The following HDAC4 variants were observed in gnomAD, a reference collection of about 807,000 sequenced individuals.
HDAC4 encodes histone deacetylase A.
In HDAC4, 16 loss-of-function variants were observed where a neutral mutation model predicts 135.1. The observed-to-expected ratio is 0.12, with a 90% CI of 0.08 to 0.18. The LOEUF (loss-of-function observed/expected upper bound fraction) is 0.18, where lower values mean the gene tolerates loss of function less well. Among genes scored for constraint, HDAC4 ranks in the 10% least tolerant of loss-of-function variants. The probability of loss-of-function intolerance (pLI) is 1.00; values close to 1 mark genes in which losing one functional copy is unlikely to be tolerated. For missense variants in HDAC4, 1,143 were observed against 1,511.8 expected (o/e 0.76, Z 4.05); for synonymous variants, 685 against 653.4 (o/e 1.05, Z -0.74).
chr2:239,081,135 C>T lies in HDAC4; in HGVS notation c.2710G>A (p.Asp904Asn). ...NVNMAFTGGL[D>N]PPMGDAEYLA... ...TACTCAGCGTCTCCCATGGGGGGGT[C>T]CAGGCCGCCGGTGAAAGCCATGTTG... The change falls in exon 22 of 27, where the codon GAC (aspartate) becomes AAC (asparagine). Residue 904 changes from aspartate to asparagine, a missense_variant. Around this residue, in one of 9 missense-constraint regions of HDAC4, gnomAD observed 189 missense variants for 317.6 expected, o/e 0.60. Transcript: ENST00000543185. 6.2e-7 allele frequency: 1 copy of T among 1,614,008 alleles called. No individual in the cohort carries two copies. Among genetic ancestry groups the T allele is most frequent in the Non-Finnish European group, 8.5e-7 (1 of 1,180,012 alleles).
intron 2 of HDAC4, among the ~76,000 whole-genome samples, chr2:239,271,749 C>A (rs577491391): frequency 6.6e-6 from 1 of 152,322 alleles, no homozygotes; most frequent in South Asian, 2.1e-4. Context: ...TGGCCTCTCT[C>A]CTCAGGATGT....
intron 24 of HDAC4, among the ~76,000 whole-genome samples, chr2:239,060,976 A>C (rs1304343292): frequency 6.6e-6 from 1 of 152,262 alleles, no homozygotes; most frequent in Non-Finnish European, 1.5e-5. Flanking sequence ...TCTGAAGGCC[A>C]CGAGGCTGGG....
At position 239,226,225 on chromosome 2, in the gene HDAC4, T is replaced by C. The variant is rs115090982; in HGVS notation, c.94+10368A>G. 1.4e-3 allele frequency among the ~76,000 whole-genome samples: 212 copies of C among 152,296 alleles called. 1 individual carries two copies. The highest frequency in any genetic ancestry group is 5.0e-3 in the African/African-American group (207 of 41,550). On this transcript the variant is annotated intron_variant, in intron 3 of 26. Coordinates refer to ENST00000543185, the MANE Select transcript of HDAC4 (RefSeq NM_001378414.1). ...ATGTCATGATGCAAAAATTCATTCCTGGATAATACTTTTGGCCACCAGTGA... is the reference window on the plus strand; with the variant it reads ...ATGTCATGATGCAAAAATTCATTCCCGGATAATACTTTTGGCCACCAGTGA...
At chr2:239,276,772 G>A (rs2125307569) in intron 2 of HDAC4, among the ~76,000 whole-genome samples, 1 of 152,362 alleles carries the variant, frequency 6.6e-6, no homozygotes, top group Non-Finnish European at 1.5e-5. Context: ...CAGAGCAGCA[G>A]AGCCAGGCGA....
intron 5 of HDAC4, among the ~76,000 whole-genome samples, chr2:239,169,682 C>T (rs2043330475): frequency 6.6e-6 from 1 of 152,228 alleles, no homozygotes; most frequent in South Asian, 2.1e-4. Flanking sequence ...CAGAGACCCA[C>T]AGCACAGCCG....
rs572825451 is a variant in HDAC4 at position 239,379,114 on chromosome 2, G to A, written c.-220+21864C>T. 2.6e-5 allele frequency among the ~76,000 whole-genome samples: 4 copies of A among 152,336 alleles called. No homozygotes were observed. In the East Asian group the frequency reaches 7.7e-4, roughly 29 times the overall value. ...CAGGCTAAGTAATTCAGAAGTGACA[G>A]GGAGCCCAGGGGCAAGTCACTCCAG... On this transcript the variant is annotated intron_variant, in intron 1 of 26. Coordinates refer to ENST00000543185, the MANE Select transcript of HDAC4 (RefSeq NM_001378414.1).
chr2:239,298,701 C>T, intron 2 of HDAC4: 1 of 780,870 alleles, frequency 1.3e-6, no homozygotes, highest in Non-Finnish European at 1.6e-6. Context: ...GAAATCATGA[C>T]ACTCCACCTA....
chr2:239,361,821 A>G (rs1265783251), intron 1 of HDAC4, among the ~76,000 whole-genome samples: 1 of 152,258 alleles, frequency 6.6e-6, no homozygotes, highest in Non-Finnish European at 1.5e-5. Context: ...AAATGGTTTA[A>G]TAAGACTTAA....
At chr2:239,237,981 A>AGACCGGCAG (rs1365606074) in intron 2 of HDAC4, among the ~76,000 whole-genome samples, 9 of 152,344 alleles carry the variant, frequency 5.9e-5, no homozygotes, top group African/African-American at 2.2e-4. Context: ...GTCAGGAGAA[A>AGACCGGCAG]GACCGGCAGG....
At chr2:239,266,597 C>T (rs947208418) in intron 2 of HDAC4, among the ~76,000 whole-genome samples, 8 of 152,174 alleles carry the variant, frequency 5.3e-5, no homozygotes, top group African/African-American at 1.9e-4. Flanking sequence ...AATTATAAGC[C>T]ACTGGCCAAG....
intron 15 of HDAC4, among the ~76,000 whole-genome samples, chr2:239,104,478 C>A (rs1159779106): frequency 1.3e-5 from 2 of 152,216 alleles, no homozygotes; most frequent in East Asian, 3.9e-4. Context: ...GATCCACCCG[C>A]CACGGCCTCC....
At chr2:239,325,372 C>CA (rs1371438111) in intron 2 of HDAC4, among the ~76,000 whole-genome samples, 2 of 152,006 alleles carry the variant, frequency 1.3e-5, no homozygotes, top group Non-Finnish European at 2.9e-5. Context: ...AACACAACAA[C>CA]AAAAAAACAA....
rs937257810 is a variant in HDAC4 at position 239,139,091 on chromosome 2, C to T, written c.978+593G>A. Among the ~76,000 whole-genome samples, 6 of 152,224 alleles carry T rather than the reference C, an allele frequency of 3.9e-5. No individual in the cohort carries two copies. The highest frequency in any genetic ancestry group is 1.4e-4 in the African/African-American group (6 of 41,450). ...AGGGGACCAGGGGTGCTGAGCTCTG[C>T]GGTCTGAGATGCCTGGTTCCCGTGA... On this transcript the variant is annotated intron_variant, in intron 9 of 26. Coordinates refer to ENST00000543185, the MANE Select transcript of HDAC4 (RefSeq NM_001378414.1). The surrounding 1 kb of genome is among the most constrained non-coding windows in gnomAD (Gnocchi z 5.3).
intron 13 of HDAC4, among the ~76,000 whole-genome samples, chr2:239,113,412 G>A (rs776583947): frequency 4.6e-5 from 7 of 152,328 alleles, no homozygotes; most frequent in East Asian, 1.9e-4. Flanking sequence ...TGGGCCCCAC[G>A]CGGTTAAGTG....
chr2:239,315,374 T>C (rs2053072779), intron 2 of HDAC4, among the ~76,000 whole-genome samples: 2 of 152,212 alleles, frequency 1.3e-5, no homozygotes, highest in African/African-American at 2.4e-5. Context: ...CTGTCTCAGA[T>C]ACTTTTGGTT....
rs919758097 is a variant in HDAC4, at chr2:239,087,799, G to A, written c.2389-185C>T. Among the ~76,000 whole-genome samples, 3 of 152,308 alleles carry A rather than the reference G, an allele frequency of 2.0e-5. No homozygotes were observed. In the East Asian group the frequency reaches 5.8e-4, roughly 29 times the overall value. On this transcript the variant is annotated intron_variant, in intron 18 of 26. Transcript: ENST00000543185. ...AGCTGGGAGCCTTTCCGGGAAGCCT[G>A]GGCCCTTCTCCTAAAGAGGTCTGGG...
rs190103448 is a variant in HDAC4, at chr2:239,390,209, C to A, written c.-220+10769G>T. Among the ~76,000 whole-genome samples, 680 of 152,308 alleles carry A rather than the reference C, an allele frequency of 4.5e-3. 3 individuals carry two copies. The highest frequency in any genetic ancestry group is 7.7e-3 in the Non-Finnish European group (523 of 68,008). On this transcript the variant is annotated intron_variant, in intron 1 of 26. Coordinates refer to ENST00000543185, the MANE Select transcript of HDAC4 (RefSeq NM_001378414.1). ...TAGCGAGATCCTATCTGATGGGGAG[C>A]TACCAGAAATACCTCCCTGCTCAAT...
intron 3 of HDAC4, among the ~76,000 whole-genome samples, chr2:239,212,897 T>C (rs2046420265): frequency 6.6e-6 from 1 of 152,198 alleles, no homozygotes; most frequent in African/African-American, 2.4e-5. Context: ...TCTTAGACGC[T>C]GGCCAGCCAG....
intron 7 of HDAC4, chr2:239,155,392 T>C (rs1199925332): frequency 1.4e-5 from 2 of 144,876 alleles, no homozygotes; most frequent in Non-Finnish European, 3.0e-5. Flanking sequence ...GCCCACTCCA[T>C]TGGGAACAGG....
Sources: gnomAD v4.1 joint callset for allele counts (sites outside exome capture counted in the v4.1 genomes callset) on GRCh38, gnomAD v4.1.1 for gene constraint, gnomAD v4.1.1 regional missense constraint, Gnocchi (gnomAD v3.1) non-coding constraint, MANE v1.5 for transcripts, NCBI Gene and HGNC (gene_info 2026-07-23, HGNC 2026-07-21) for gene names.